LAMA3: variants seen among roughly 807,000 people sequenced by gnomAD.
The protein encoded by LAMA3 is laminin subunit alpha-3.
Under a neutral mutation model 402.0 loss-of-function variants are expected in LAMA3, and 281 were observed. The observed-to-expected ratio is 0.70, with a 90% CI of 0.63 to 0.77. The LOEUF is 0.77. Among genes scored for constraint, LAMA3 ranks in the 30% least tolerant of loss-of-function variants. The pLI, the probability that LAMA3 is intolerant of heterozygous loss-of-function variation, is 0.00. For missense variants in LAMA3, 3,840 were observed against 4,215.5 expected, an observed-to-expected ratio of 0.91 and a Z score of 2.47; for synonymous variants, 1,431 against 1,558.4, an observed-to-expected ratio of 0.92 and a Z score of 1.93.
intron 32 of LAMA3, among the ~76,000 whole-genome samples, chr18:23,852,798 T>C (rs1480273313): frequency 6.6e-6 from 1 of 152,208 alleles, no homozygotes; most frequent in African/African-American, 2.4e-5. Context: ...ACCTTTTTGT[T>C]TTTTCTGCTT....
At chr18:23,928,040 A>G in intron 62 of LAMA3, 83 bp from the exon 63 acceptor site, 3 of 944,844 alleles carry the variant, frequency 3.2e-6, no homozygotes, top group South Asian at 1.3e-5. Flanking sequence ...GGTGAAAAGT[A>G]CTAAAGAGCA....
intron 1 of LAMA3, among the ~76,000 whole-genome samples, chr18:23,704,136 G>A (rs1001366735): frequency 6.6e-6 from 1 of 152,206 alleles, no homozygotes; most frequent in Admixed American, 6.5e-5. Flanking sequence ...ATGAACGTTG[G>A]TTAAATGCTT....
chr18:23,894,146 T>G, intron 42 of LAMA3, 152 bp from the exon 43 acceptor site: 2 of 665,960 alleles, frequency 3.0e-6, no homozygotes. Context: ...TAATTGTGGG[T>G]TTTGCCATTA....
intron 8 of LAMA3, among the ~76,000 whole-genome samples, chr18:23,771,944 T>C (rs879918478): frequency 6.6e-6 from 1 of 152,254 alleles, no homozygotes; most frequent in Non-Finnish European, 1.5e-5. Flanking sequence ...GATTGAAGAT[T>C]ATCCCCATTG....
intron 12 of LAMA3, among the ~76,000 whole-genome samples, chr18:23,803,555 C>T (rs182548551): frequency 7.2e-5 from 11 of 152,332 alleles, no homozygotes; most frequent in Non-Finnish European, 2.9e-5. Context: ...CCAGATCTTC[C>T]TGTCACCAAT....
chr18:23,919,231 G>A (rs1178424829), intron 60 of LAMA3, among the ~76,000 whole-genome samples: 4 of 152,126 alleles, frequency 2.6e-5, no homozygotes, highest in African/African-American at 9.7e-5. Context: ...TCCAGATAAG[G>A]ACTGATTTTC....
intron 33 of LAMA3, among the ~76,000 whole-genome samples, chr18:23,858,208 A>G (rs1240686121): frequency 2.6e-5 from 4 of 152,196 alleles, no homozygotes; most frequent in Non-Finnish European, 5.9e-5. Flanking sequence ...TTAGAATCTG[A>G]TGACGGATAT....
At chr18:23,695,166 T>A (rs1388510375) in intron 1 of LAMA3, among the ~76,000 whole-genome samples, 1 of 152,122 alleles carries the variant, frequency 6.6e-6, no homozygotes. Context: ...TCTACATATT[T>A]CAGAGGGAGG....
At chr18:23,778,574 C>T (rs768311055) in intron 11 of LAMA3, among the ~76,000 whole-genome samples, 6 of 152,176 alleles carry the variant, frequency 3.9e-5, no homozygotes, top group African/African-American at 9.7e-5. Flanking sequence ...AAACCCATCA[C>T]GGCATCCACA....
At chr18:23,938,201 C>T (rs2082370063) in intron 67 of LAMA3, among the ~76,000 whole-genome samples, 1 of 152,172 alleles carries the variant, frequency 6.6e-6, no homozygotes, top group South Asian at 2.1e-4. Flanking sequence ...CCTTCAGCTT[C>T]CTCTCAGGGC....
At chr18:23,803,404 G>A (rs2062901807) in intron 12 of LAMA3, among the ~76,000 whole-genome samples, 2 of 152,140 alleles carry the variant, frequency 1.3e-5, no homozygotes, top group South Asian at 2.1e-4. Context: ...ACTTTGTTAT[G>A]AGCCCACTGG....
intron 44 of LAMA3, 103 bp downstream of exon 44, chr18:23,895,161 G>C: frequency 7.5e-7 from 1 of 1,325,160 alleles, no homozygotes; most frequent in Non-Finnish European, 1.0e-6. Flanking sequence ...AAAGGCTCAG[G>C]GGTTGTCCTC....
chr18:23,815,154 C>G (rs1306114496), intron 15 of LAMA3, 34 bp from the exon 16 acceptor site: 2 of 1,599,344 alleles, frequency 1.3e-6, no homozygotes, highest in Non-Finnish European at 8.6e-7. Flanking sequence ...TTTTGTGTCT[C>G]CCTTAGTTCA....
chr18:23,740,826 A>G (rs2061549396), intron 2 of LAMA3, among the ~76,000 whole-genome samples: 1 of 152,176 alleles, frequency 6.6e-6, no homozygotes, highest in Non-Finnish European at 1.5e-5. Context: ...GAGGGGACTT[A>G]GGGACCTCTT....
intron 2 of LAMA3, among the ~76,000 whole-genome samples, chr18:23,730,157 A>G (rs1444477254): frequency 1.3e-5 from 2 of 152,184 alleles, no homozygotes; most frequent in East Asian, 1.9e-4. Flanking sequence ...GGGCAAATGT[A>G]TGGCTCCACC....
At chr18:23,857,731 T>G in intron 32 of LAMA3, 113 bp from the exon 33 acceptor site, 1 of 1,290,766 alleles carries the variant, frequency 7.7e-7, no homozygotes, top group Non-Finnish European at 1.1e-6. Flanking sequence ...TAAGCAGGCA[T>G]TGTATCTATT....
chr18:23,788,173 CT>C (rs1257597153), intron 12 of LAMA3, among the ~76,000 whole-genome samples: 1 of 151,790 alleles, frequency 6.6e-6, no homozygotes, highest in Non-Finnish European at 1.5e-5. Context: ...GATCTCCTTT[CT>C]TCTATTATCT....
intron 60 of LAMA3, 110 bp from the exon 61 acceptor site, chr18:23,920,825 C>A: frequency 7.7e-7 from 1 of 1,305,736 alleles, no homozygotes; most frequent in Non-Finnish European, 1.1e-6. Context: ...TTCACTGAGG[C>A]AGCAGCTGAA....
intron 2 of LAMA3, among the ~76,000 whole-genome samples, chr18:23,746,746 G>A (rs1011067228): frequency 3.3e-5 from 5 of 151,766 alleles, no homozygotes; most frequent in African/African-American, 1.2e-4. Context: ...ACAAACAAAA[G>A]TTTTTTTAGG....
Sources: gnomAD v4.1 joint callset for allele counts (sites outside exome capture counted in the v4.1 genomes callset) on GRCh38, gnomAD v4.1.1 for gene constraint, MANE v1.5 for transcripts, NCBI Gene and HGNC (gene_info 2026-07-23, HGNC 2026-07-21) for gene names.